JMJD1C: variants seen among roughly 807,000 people sequenced by gnomAD.
JMJD1C encodes jumonji domain-containing protein 1C.
In JMJD1C, 31 loss-of-function variants were observed where a neutral mutation model predicts 245.3. The ratio of observed to expected loss-of-function variants is 0.13; its 90% CI spans 0.09 to 0.17. The LOEUF is 0.17. JMJD1C is among the 10% of genes least tolerant of loss of function. The probability of loss-of-function intolerance (pLI) is 1.00; values close to 1 mark genes in which losing one functional copy is unlikely to be tolerated. For synonymous variants in JMJD1C, 1,057 were observed against 1,017.4 expected (o/e 1.04, Z -0.74); for missense variants, 2,691 against 3,000.2 (o/e 0.90, Z 2.41).
chr10:63,357,828 C>CAG (rs1276424399), intron 2 of JMJD1C, among the ~76,000 whole-genome samples: 101 of 16,980 alleles, frequency 5.9e-3, no homozygotes, highest in Non-Finnish European at 8.7e-3. Context: ...GACAGACAGA[C>CAG]ACACACACAC....
At chr10:63,283,633 C>T (rs1362817521) in intron 2 of JMJD1C, among the ~76,000 whole-genome samples, 1 of 152,162 alleles carries the variant, frequency 6.6e-6, no homozygotes, top group African/African-American at 2.4e-5. Context: ...TCCCGAAGGG[C>T]TGGGATTACA....
intron 1 of JMJD1C, among the ~76,000 whole-genome samples, chr10:63,412,632 T>C (rs953474988): frequency 6.6e-6 from 1 of 152,216 alleles, no homozygotes; most frequent in Non-Finnish European, 1.5e-5. Context: ...TCTTTATGTT[T>C]GTTTATATTT....
intron 2 of JMJD1C, among the ~76,000 whole-genome samples, chr10:63,303,183 C>CTT (rs1399794934): frequency 6.6e-6 from 1 of 152,196 alleles, no homozygotes; most frequent in Non-Finnish European, 1.5e-5. Flanking sequence ...ATTTAAAACT[C>CTT]TTTGCATCTA....
At chr10:63,354,171 T>C (rs943191254) in intron 2 of JMJD1C, among the ~76,000 whole-genome samples, 5 of 152,192 alleles carry the variant, frequency 3.3e-5, no homozygotes, top group Admixed American at 3.3e-4. Context: ...ATCCAGCATT[T>C]AACTGCAAAG....
chr10:63,292,144 A>ATTCTTTTTTTTTTTTT (rs1858837031), intron 2 of JMJD1C, among the ~76,000 whole-genome samples: 1 of 56,326 alleles, frequency 1.8e-5, no homozygotes, highest in African/African-American at 7.4e-5. Context: ...GTAGAGACAG[A>ATTCTTTTTTTTTTTTT]TTTTTTTTTT....
intron 1 of JMJD1C, among the ~76,000 whole-genome samples, chr10:63,386,012 A>T (rs1390202402): frequency 6.6e-6 from 1 of 152,158 alleles, no homozygotes; most frequent in Non-Finnish European, 1.5e-5. Flanking sequence ...TTCACAAATG[A>T]AAAGATTCAC....
chr10:63,274,316 G>C (rs1031069890), intron 2 of JMJD1C, among the ~76,000 whole-genome samples: 7 of 152,194 alleles, frequency 4.6e-5, no homozygotes. Flanking sequence ...TGTAATCCCA[G>C]CACTCTGGGA....
At chr10:63,318,605 T>G (rs1260341169) in intron 2 of JMJD1C, among the ~76,000 whole-genome samples, 1 of 152,140 alleles carries the variant, frequency 6.6e-6, no homozygotes, top group Non-Finnish European at 1.5e-5. Context: ...TAATAACATG[T>G]CCAGAACTCT....
At chr10:63,427,480 A>ATGTC in intron 1 of JMJD1C, 1 of 1,233,934 alleles carries the variant, frequency 8.1e-7, no homozygotes, top group East Asian at 2.5e-5. Flanking sequence ...GACCAACAGG[A>ATGTC]TGTCCCACTG....
intron 1 of JMJD1C, among the ~76,000 whole-genome samples, chr10:63,441,203 C>T (rs548214422): frequency 1.1e-4 from 17 of 152,228 alleles, no homozygotes; most frequent in Admixed American, 2.0e-4. Flanking sequence ...CTTTTTTACA[C>T]GGTTTAGACT....
chr10:63,257,057 G>A (rs1854043214), intron 3 of JMJD1C, among the ~76,000 whole-genome samples: 1 of 151,908 alleles, frequency 6.6e-6, no homozygotes, highest in African/African-American at 2.4e-5. Context: ...CAACACTGGT[G>A]AAACCCTGTC....
intron 11 of JMJD1C, among the ~76,000 whole-genome samples, chr10:63,199,886 A>G (rs1421398024): frequency 6.6e-6 from 1 of 152,156 alleles, no homozygotes; most frequent in African/African-American, 2.4e-5. Context: ...ATGGGACTAC[A>G]CTTAAGGACT....
chr10:63,332,895 T>C (rs1032142307), intron 2 of JMJD1C, among the ~76,000 whole-genome samples: 1 of 152,196 alleles, frequency 6.6e-6, no homozygotes. Context: ...CTTAGATTCA[T>C]TGTTTCTATT....
chr10:63,474,097 A>T (rs1329461739), intron 1 of JMJD1C, among the ~76,000 whole-genome samples: 1 of 148,298 alleles, frequency 6.7e-6, no homozygotes. Context: ...ACTAAAAAAA[A>T]TAATAATAAT....
intron 1 of JMJD1C, among the ~76,000 whole-genome samples, chr10:63,491,952 C>T (rs571289796): frequency 3.9e-5 from 6 of 152,322 alleles, no homozygotes; most frequent in South Asian, 4.1e-4. Context: ...AGGGGCAGAG[C>T]GGGGGGAATG....
intron 2 of JMJD1C, among the ~76,000 whole-genome samples, chr10:63,379,240 T>C (rs571645394): frequency 6.6e-6 from 1 of 152,268 alleles, no homozygotes; most frequent in Non-Finnish European, 1.5e-5. Flanking sequence ...CTACCCTAAC[T>C]CATTAGTTAT....
chr10:63,367,858 A>G (rs1389458391), intron 2 of JMJD1C, among the ~76,000 whole-genome samples: 1 of 152,204 alleles, frequency 6.6e-6, no homozygotes, highest in Admixed American at 6.5e-5. Context: ...CTCTGGATTA[A>G]AATAAGAATG....
intron 1 of JMJD1C, among the ~76,000 whole-genome samples, chr10:63,471,309 TCTAAA>T (rs1436052113): frequency 1.3e-5 from 2 of 152,174 alleles, no homozygotes; most frequent in Non-Finnish European, 2.9e-5. Flanking sequence ...CAATGTAAAA[TCTAAA>T]CTAAAAAGTA....
rs1846932822 is a variant in JMJD1C, at chr10:63,208,501, AGAT to A, written c.3165_3167del (p.Ser1058del). 5.6e-6 allele frequency: 9 copies of A among 1,613,988 alleles called. No individual in the cohort carries two copies. Among genetic ancestry groups the A allele is most frequent in the African/African-American group, 2.7e-5 (2 of 74,934 alleles). On this transcript the variant is annotated inframe_deletion, in exon 10 of 26. Transcript: ENST00000399262. The stretch of plus-strand genomic sequence containing the variant: ...TGATGATATGGCTTTTAGGACTGGA[AGAT>A]GATGATGCCACTCTGGAATAATTCT...
Sources: gnomAD v4.1 joint callset for allele counts (sites outside exome capture counted in the v4.1 genomes callset) on GRCh38, gnomAD v4.1.1 for gene constraint, MANE v1.5 for transcripts, NCBI Gene and HGNC (gene_info 2026-07-23, HGNC 2026-07-21) for gene names.